The following SPATA3 variants were observed in gnomAD, a reference collection of about 807,000 sequenced individuals.
SPATA3 encodes spermatogenesis associated 3, also known as spermatogenesis-associated protein 3.
In SPATA3, 6 loss-of-function variants were observed where a neutral mutation model predicts 5.7. That is an observed-to-expected ratio of 1.06 (90% confidence interval 0.58 to 2.09). The LOEUF (loss-of-function observed/expected upper bound fraction) is 2.09. SPATA3 is among the 30% of genes most tolerant of loss of function. The pLI is 0.00. For missense variants in SPATA3, 155 were observed against 130.4 expected, an observed-to-expected ratio of 1.19 and a Z score of -0.92; for synonymous variants, 44 against 48.4, an observed-to-expected ratio of 0.91 and a Z score of 0.37.
At chr2:231,000,269 C>A in intron 1 of SPATA3, 97 bp from the exon 2 acceptor site, 1 of 1,140,880 alleles carries the variant, frequency 8.8e-7, no homozygotes. Context: ...GCAGCTGCTG[C>A]CGTTGTGGGG....
At chr2:231,012,199 A>T (rs1692806050), downstream of SPATA3, among the ~76,000 whole-genome samples, 1 of 152,028 alleles carries the variant, frequency 6.6e-6, no homozygotes, top group South Asian at 2.1e-4. Context: ...CCAGGCTCAG[A>T]CTCCTCCAGG....
chr2:231,016,063 AT>A lies in SPATA3; in HGVS notation c.*565+1852del, dbSNP rs539068002. On this transcript the variant is annotated intron_variant, in intron 6 of 8. Transcript: ENST00000452881. Reference sequence around the variant, plus strand: ...CCCCCACTTTCCCTGTCTGTGCCCCATCCCCACCTTGGCCTTGCCTCCTCCA... The same window carrying A: ...CCCCCACTTTCCCTGTCTGTGCCCCACCCCACCTTGGCCTTGCCTCCTCCA... Among the ~76,000 whole-genome samples, 18 of 149,576 alleles carry A rather than the reference AT, an allele frequency of 1.2e-4. No individual in the cohort carries two copies. The East Asian group carries it at 3.3e-3, about 28-fold the overall frequency.
downstream of SPATA3, among the ~76,000 whole-genome samples, chr2:231,011,773 T>C (rs958857577): frequency 6.6e-6 from 1 of 152,186 alleles, no homozygotes. Context: ...CTCAGGGCCA[T>C]GTTGGAGTCA....
chr2:231,017,129 TC>T (rs1692955922), intron 6 of SPATA3, among the ~76,000 whole-genome samples: 1 of 152,212 alleles, frequency 6.6e-6, no homozygotes, highest in African/African-American at 2.4e-5. Context: ...GCTCAAAGAA[TC>T]CTGGCTACGA....
chr2:231,008,038 C>G (rs1692687313), downstream of SPATA3, among the ~76,000 whole-genome samples: 1 of 152,086 alleles, frequency 6.6e-6, no homozygotes, highest in Admixed American at 6.6e-5. Flanking sequence ...AAAGGAACCA[C>G]CAAAGAAGGG....
At chr2:230,997,207 C>G (rs1306666503) in intron 1 of SPATA3, among the ~76,000 whole-genome samples, 8 of 152,126 alleles carry the variant, frequency 5.3e-5, no homozygotes, top group Admixed American at 5.2e-4. Flanking sequence ...GGGGGAGGGT[C>G]TTTTCCGTGG....
At chr2:230,998,575 G>T (rs9973868) in intron 1 of SPATA3, among the ~76,000 whole-genome samples, 1 of 152,230 alleles carries the variant, frequency 6.6e-6, no homozygotes, top group Non-Finnish European at 1.5e-5. Context: ...AATTCTCTGC[G>T]TAGAAAGGAA....
chr2:230,998,352 C>T (rs1692208832), intron 1 of SPATA3, among the ~76,000 whole-genome samples: 2 of 152,326 alleles, frequency 1.3e-5, no homozygotes, highest in South Asian at 4.1e-4. Context: ...TGATCATCAG[C>T]CAGTGAGAGA....
At chr2:231,015,436 A>G (rs1354984900) in intron 6 of SPATA3, among the ~76,000 whole-genome samples, 2 of 151,948 alleles carry the variant, frequency 1.3e-5, no homozygotes, top group African/African-American at 4.8e-5. Context: ...GTGGGTGGTG[A>G]GGCATAGACA....
downstream of SPATA3, among the ~76,000 whole-genome samples, chr2:231,006,148 T>C (rs1204741585): frequency 6.8e-6 from 1 of 147,900 alleles, no homozygotes; most frequent in African/African-American, 2.5e-5. Flanking sequence ...TGAGCTATAA[T>C]TGCACCACTG....
intron 4 of SPATA3, among the ~76,000 whole-genome samples, chr2:231,012,414 T>C (rs1321703644): frequency 2.6e-5 from 4 of 152,098 alleles, no homozygotes; most frequent in African/African-American, 9.7e-5. Flanking sequence ...TCTCCTCCTC[T>C]GTTCTGCCCT....
At chr2:231,016,945 G>A (rs1692952846) in intron 6 of SPATA3, among the ~76,000 whole-genome samples, 1 of 152,174 alleles carries the variant, frequency 6.6e-6, no homozygotes, top group Non-Finnish European at 1.5e-5. Context: ...TCCCCACCCT[G>A]ATGATACAGG....
downstream of SPATA3, among the ~76,000 whole-genome samples, chr2:231,007,648 A>C (rs1692675238): frequency 6.6e-6 from 1 of 152,250 alleles, no homozygotes; most frequent in South Asian, 2.1e-4. Flanking sequence ...CCCTGTGCCC[A>C]GGAACACTGT....
downstream of SPATA3, chr2:231,006,625 G>A (rs1177886019): frequency 3.3e-5 from 5 of 152,382 alleles, no homozygotes; most frequent in Middle Eastern, 3.4e-3. Flanking sequence ...GTAGGGGAGG[G>A]CGATGGAGGT....
intron 1 of SPATA3, among the ~76,000 whole-genome samples, chr2:230,999,327 G>C (rs1472123328): frequency 6.6e-6 from 1 of 152,090 alleles, no homozygotes; most frequent in Non-Finnish European, 1.5e-5. Context: ...ACAAAACTTT[G>C]TGAATATACT....
At chr2:231,011,064 C>A (rs562510790), downstream of SPATA3, among the ~76,000 whole-genome samples, 4 of 61,466 alleles carry the variant, frequency 6.5e-5, no homozygotes, top group African/African-American at 2.9e-4. Flanking sequence ...CAAAAGGAGA[C>A]CCTGTCTCAA....
chr2:231,001,514 G>A (rs146118773), intron 2 of SPATA3, among the ~76,000 whole-genome samples: 8 of 152,126 alleles, frequency 5.3e-5, no homozygotes, highest in African/African-American at 1.7e-4. Context: ...AATAGATACC[G>A]GGGCGTGTGG....
intron 1 of SPATA3, chr2:230,999,627 T>C (rs1252906003): frequency 1.2e-5 from 2 of 165,704 alleles, no homozygotes; most frequent in East Asian, 3.8e-4. Flanking sequence ...GAAATTATCT[T>C]GCCCAACCAC....
downstream of SPATA3, chr2:231,007,282 C>A (rs1559198867): frequency 6.6e-6 from 1 of 151,684 alleles, no homozygotes; most frequent in Non-Finnish European, 1.5e-5. Context: ...AAAAAAAAAA[C>A]GAGTTCTGTT....
Sources: allele counts gnomAD v4.1 joint callset (sites outside exome capture counted in the v4.1 genomes callset), GRCh38; gene constraint gnomAD v4.1.1; transcripts MANE v1.5; gene names NCBI Gene and HGNC (gene_info 2026-07-23, HGNC 2026-07-21).